KDELR2: variants seen among roughly 807,000 people sequenced by gnomAD.
KDELR2 encodes ER lumen protein-retaining receptor 2.
A neutral mutation model predicts 23.9 loss-of-function variants in KDELR2; 15 were observed. The observed-to-expected ratio is 0.63, with a 90% CI of 0.42 to 0.97. KDELR2 has a LOEUF of 0.97. Among genes scored for constraint, KDELR2 ranks in the 50% least tolerant of loss-of-function variants. The pLI is 0.00. For synonymous variants in KDELR2, 119 were observed against 106.2 expected (o/e 1.12, Z -0.74); for missense variants, 272 against 254.6 (o/e 1.07, Z -0.46).
In KDELR2 at chr7:6,466,140, T is replaced by G; in HGVS notation, c.535A>C (p.Ile179Leu). The G allele has an allele frequency of 6.2e-7, 1 of 1,614,128 alleles. No homozygotes were observed. Among genetic ancestry groups the G allele is most frequent in the Non-Finnish European group, 8.5e-7 (1 of 1,180,022 alleles). Residue 179 changes from isoleucine (I) to leucine (L), a missense_variant, in exon 4 of 5, where the codon ATT becomes CTT. By Grantham distance (5) the Ile-to-Leu change is conservative (BLOSUM62 2). Transcript: ENST00000258739. Reference sequence around the variant, plus strand: ...TGGACTACGCCGGCCACCACAGCAATGAGGTCAAAGAAGCCCTCAAAGTAG... The same window carrying G: ...TGGACTACGCCGGCCACCACAGCAAGGAGGTCAAAGAAGCCCTCAAAGTAG... The part of the protein sequence containing the change: ...RFYFEGFFDL[I>L]AVVAGVVQTI...
At chr7:6,480,614 G>A (rs917836567) in intron 1 of KDELR2, among the ~76,000 whole-genome samples, 1 of 152,090 alleles carries the variant, frequency 6.6e-6, no homozygotes. Flanking sequence ...GGGGTAAAAA[G>A]CACCATGGTT....
At chr7:6,476,294 C>T (rs188177994) in intron 1 of KDELR2, among the ~76,000 whole-genome samples, 389 of 92,526 alleles carry the variant, frequency 4.2e-3, no homozygotes, top group Non-Finnish European at 6.4e-3. Context: ...GGAGGAGACA[C>T]GGACAGTGAA....
At position 6,462,916 on chromosome 7, in the gene KDELR2, T is replaced by C; in HGVS notation, c.*225A>G. On this transcript the variant is annotated 3_prime_UTR_variant, in exon 5 of 5. Coordinates refer to ENST00000258739, the MANE Select transcript of KDELR2 (RefSeq NM_006854.4). ...ATTAATACAGCATTAAGTTTCTTTG[T>C]GTAAAAAAATCTTTGTACACAGTAA... is the stretch of plus-strand genomic sequence containing the variant. 1 of 1,452,170 alleles carries C rather than the reference T, an allele frequency of 6.9e-7. No homozygotes were observed. The highest frequency in any genetic ancestry group is 9.4e-7 in the Non-Finnish European group (1 of 1,069,358). 90.0% of individuals were successfully genotyped at this position (1,452,170 alleles called of 1,614,324 possible). A position where few individuals can be genotyped will look rare whatever the true frequency, so the allele number is the denominator to read the frequency against.
chr7:6,462,015 G>T lies in KDELR2; in HGVS notation c.*1126C>A, dbSNP rs1785398106. On this transcript the variant is annotated 3_prime_UTR_variant, in exon 5 of 5. Coordinates refer to ENST00000258739, the MANE Select transcript of KDELR2 (RefSeq NM_006854.4). Reference sequence around the variant, plus strand: ...GTTCAAAAAGCCTAATTCATAAAAAGACAATTTATTCCATGTTTAATATAG... The same window carrying T: ...GTTCAAAAAGCCTAATTCATAAAAATACAATTTATTCCATGTTTAATATAG... The T allele has an allele frequency of 6.6e-6, 1 of 152,030 alleles. No individual in the cohort carries two copies. The highest frequency in any genetic ancestry group is 2.4e-5 in the African/African-American group (1 of 41,410). The allele number at this position is 152,030 out of a possible 1,614,324, so 9.4% of individuals were successfully genotyped here. A position where few individuals can be genotyped will look rare whatever the true frequency, so the allele number is the denominator to read the frequency against.
chr7:6,474,298 AG>A lies in KDELR2; in HGVS notation c.92-15del, dbSNP rs753207172. ...TCCCAGAAATACCTAGAGAAACAGA[AG>A]GGAAGTATTAGAAGGGCCTGAAGAG... On this transcript the variant is annotated splice_polypyrimidine_tract_variant and intron_variant, in intron 1 of 4. Coordinates refer to ENST00000258739, the MANE Select transcript of KDELR2 (RefSeq NM_006854.4). The A allele has an allele frequency of 6.4e-7, 1 of 1,572,692 alleles. No individual in the cohort carries two copies. Among genetic ancestry groups the A allele is most frequent in the Non-Finnish European group, 8.8e-7 (1 of 1,142,314 alleles).
chr7:6,469,501 C>A lies in KDELR2; in HGVS notation c.351+95G>T, dbSNP rs1785580714. ...CGAACTCCTGACCTCATGATCCACCCAAAGTGGAGGCTGAACTCCGCCTCG... is the reference window on the plus strand; with the variant it reads ...CGAACTCCTGACCTCATGATCCACCAAAAGTGGAGGCTGAACTCCGCCTCG... On this transcript the variant is annotated intron_variant, in intron 3 of 4. Coordinates refer to ENST00000258739, the MANE Select transcript of KDELR2 (RefSeq NM_006854.4). The A allele has an allele frequency of 3.3e-6, 4 of 1,200,806 alleles. No individual in the cohort carries two copies. The East Asian group carries it at 9.5e-5, about 28-fold the overall frequency. The allele number at this position is 1,200,806 out of a possible 1,614,324, so 74.4% of individuals were successfully genotyped here.
At chr7:6,483,326 G>A (rs1785947881) in intron 1 of KDELR2, among the ~76,000 whole-genome samples, 1 of 151,366 alleles carries the variant, frequency 6.6e-6, no homozygotes, top group South Asian at 2.1e-4. Flanking sequence ...ACGACCTCTC[G>A]GCAAGCCCCT....
intron 1 of KDELR2, among the ~76,000 whole-genome samples, chr7:6,474,734 G>T (rs1785719910): frequency 6.6e-6 from 1 of 152,144 alleles, no homozygotes; most frequent in Non-Finnish European, 1.5e-5. Flanking sequence ...GCACGATCAA[G>T]CTCACTGTAG....
At chr7:6,469,542 G>A in intron 3 of KDELR2, 54 bp downstream of exon 3, 1 of 1,554,000 alleles carries the variant, frequency 6.4e-7, no homozygotes, top group South Asian at 1.2e-5. Context: ...CCAAAATGCT[G>A]GGATTACAGG....
intron 4 of KDELR2, among the ~76,000 whole-genome samples, 170 bp downstream of exon 4, chr7:6,465,900 GT>G (rs1307842935): frequency 6.6e-6 from 1 of 152,058 alleles, no homozygotes; most frequent in East Asian, 1.9e-4. Context: ...AAGAAAAAGG[GT>G]TCTTATATTT....
chr7:6,462,918 TA>T lies in KDELR2; in HGVS notation c.*222del. 2 of 1,473,486 alleles carry T rather than the reference TA, an allele frequency of 1.4e-6. No homozygotes were observed. The highest frequency in any genetic ancestry group is 1.3e-5 in the South Asian group (1 of 78,238). The allele number at this position is 1,473,486 out of a possible 1,614,324, so 91.3% of individuals were successfully genotyped here. On this transcript the variant is annotated 3_prime_UTR_variant, in exon 5 of 5. Coordinates refer to ENST00000258739, the MANE Select transcript of KDELR2 (RefSeq NM_006854.4). ...TAATACAGCATTAAGTTTCTTTGTG[TA>T]AAAAAATCTTTGTACACAGTAATAA... is the stretch of plus-strand genomic sequence containing the variant.
At chr7:6,468,481 A>G (rs1041307040) in intron 3 of KDELR2, among the ~76,000 whole-genome samples, 3 of 151,442 alleles carry the variant, frequency 2.0e-5, no homozygotes. Flanking sequence ...GGCGTGCGAT[A>G]CCACACCCAG....
intron 1 of KDELR2, 47 bp from the exon 2 acceptor site, chr7:6,474,331 GA>G (rs1157427834): frequency 7.8e-7 from 1 of 1,282,642 alleles, no homozygotes; most frequent in Non-Finnish European, 1.1e-6. Context: ...AGAGCTTTGG[GA>G]TTCCTGTGGA....
chr7:6,464,734 C>CTTTTTT, intron 4 of KDELR2, among the ~76,000 whole-genome samples: 1 of 111,230 alleles, frequency 9.0e-6, no homozygotes, highest in African/African-American at 3.3e-5. Flanking sequence ...TCTTTTTTTT[C>CTTTTTT]TTTTTTTTTT....
At chr7:6,471,175 G>GTTTTTT (rs1562500241) in intron 2 of KDELR2, among the ~76,000 whole-genome samples, 2 of 117,192 alleles carry the variant, frequency 1.7e-5, no homozygotes, top group African/African-American at 6.1e-5. Context: ...CATTTGTTTC[G>GTTTTTT]GTTTTTTTTT....
chr7:6,483,263 TA>T (rs1314538432), intron 1 of KDELR2, among the ~76,000 whole-genome samples: 1 of 152,106 alleles, frequency 6.6e-6, no homozygotes, highest in African/African-American at 2.4e-5. Context: ...TGGAGGCACT[TA>T]AAAACCAGAT....
rs1196790377 is a variant in KDELR2 at position 6,462,841 on chromosome 7, C to T, written c.*300G>A. Reference sequence around the variant, plus strand: ...AAAAAAAATTTGCACTTATTCCTCACAAAATCTTCACTTTTGGAACTATCC... The same window carrying T: ...AAAAAAAATTTGCACTTATTCCTCATAAAATCTTCACTTTTGGAACTATCC... On this transcript the variant is annotated 3_prime_UTR_variant, in exon 5 of 5. Transcript: ENST00000258739. 4.8e-6 allele frequency: 4 copies of T among 837,540 alleles called. No individual in the cohort carries two copies. The highest frequency in any genetic ancestry group is 7.0e-6 in the Non-Finnish European group (4 of 573,890). The allele number at this position is 837,540 out of a possible 1,614,324, so 51.9% of individuals were successfully genotyped here. A position where few individuals can be genotyped will look rare whatever the true frequency, so the allele number is the denominator to read the frequency against.
Position 6,482,290 on chromosome 7 carries a change from C to T in KDELR2, c.91+1677G>A, listed in dbSNP as rs1562503974. The T allele has an allele frequency of 2.2e-5, 4 of 182,334 alleles. No individual in the cohort carries two copies. In the South Asian group the frequency reaches 2.6e-4, roughly 12 times the overall value. 11.3% of individuals were successfully genotyped at this position (182,334 alleles called of 1,614,324 possible). On this transcript the variant is annotated intron_variant, in intron 1 of 4. Coordinates refer to ENST00000258739, the MANE Select transcript of KDELR2 (RefSeq NM_006854.4). Reference sequence around the variant, plus strand: ...CTGTGATTACAGGCATGAGCCATCGCGGCCGGCCCTCCTAAGGTTATTTTA... The same window carrying T: ...CTGTGATTACAGGCATGAGCCATCGTGGCCGGCCCTCCTAAGGTTATTTTA...
At chr7:6,482,464 G>C (rs1785921053) in intron 1 of KDELR2, 2 of 409,032 alleles carry the variant, frequency 4.9e-6, no homozygotes, top group Non-Finnish European at 1.0e-5. Flanking sequence ...TATCAACTGA[G>C]AGATAACCTC....
Sources: allele counts gnomAD v4.1 joint callset (sites outside exome capture counted in the v4.1 genomes callset), GRCh38; gene constraint gnomAD v4.1.1; transcripts MANE v1.5; gene names NCBI Gene and HGNC (gene_info 2026-07-23, HGNC 2026-07-21).